RAD17: variants seen among roughly 807,000 people sequenced by gnomAD.
RAD17 encodes cell cycle checkpoint protein RAD17.
In RAD17, 31 loss-of-function variants were observed where a neutral mutation model predicts 81.5. The ratio of observed to expected loss-of-function variants is 0.38; its 90% CI spans 0.29 to 0.51. The LOEUF (loss-of-function observed/expected upper bound fraction) is 0.51, where lower values mean the gene tolerates loss of function less well. Ranked by LOEUF, RAD17 falls within the 20% of genes least tolerant of loss-of-function variation. The pLI, the probability that RAD17 is intolerant of heterozygous loss-of-function variation, is 0.88. For missense variants in RAD17, 681 were observed against 781.2 expected (o/e 0.87, Z 1.53); for synonymous variants, 261 against 266.2 (o/e 0.98, Z 0.19).
intron 15 of RAD17, among the ~76,000 whole-genome samples, chr5:69,394,404 T>TA (rs1298680314): frequency 6.6e-6 from 1 of 152,042 alleles, no homozygotes; most frequent in Non-Finnish European, 1.5e-5. Flanking sequence ...ATACTCAAAA[T>TA]ATGACAACCA....
chr5:69,385,907 T>C (rs1764182664), intron 8 of RAD17, 136 bp from the exon 9 acceptor site: 2 of 901,034 alleles, frequency 2.2e-6, no homozygotes, highest in Non-Finnish European at 3.0e-6. Flanking sequence ...TATCATCTAT[T>C]TCATGTTTCC....
Position 69,382,003 on chromosome 5 carries a change from A to G in RAD17, c.454A>G (p.Asn152Asp). 1 of 1,611,252 alleles carries G rather than the reference A, an allele frequency of 6.2e-7. No homozygotes were observed. The highest frequency in any genetic ancestry group is 2.2e-5 in the East Asian group (1 of 44,874). The part of the protein sequence containing the change: ...EHGIQVQEWI[N>D]PVLPDFQKDD... ...TGGTATTCAAGTACAAGAGTGGATT[A>G]ATCCAGTTTTACCAGACTTCCAAAA... The change falls in exon 7 of 19, where the codon AAT becomes GAT. Residue 152 changes from asparagine (N) to aspartate (D), a missense_variant. Physicochemically the swap from Asn to Asp is conservative, Grantham distance 23. Transcript: ENST00000354868.
At chr5:69,404,783 A>G (rs1388989686) in intron 17 of RAD17, among the ~76,000 whole-genome samples, 2 of 146,970 alleles carry the variant, frequency 1.4e-5, no homozygotes, top group South Asian at 2.2e-4. Flanking sequence ...AAAAAAAAAA[A>G]TAGATAAAAT....
At chr5:69,371,668 A>G (rs1055604143) in intron 3 of RAD17, 111 bp downstream of exon 3, 12 of 511,432 alleles carry the variant, frequency 2.3e-5, no homozygotes, top group South Asian at 8.9e-5. Flanking sequence ...CCGAGTATCT[A>G]TTGTAATTAA....
At chr5:69,410,471 A>G (rs753953263) in intron 17 of RAD17, 22 bp from the exon 18 acceptor site, 1 of 1,601,500 alleles carries the variant, frequency 6.2e-7, no homozygotes, top group Non-Finnish European at 8.5e-7. Flanking sequence ...ATTGTTTACA[A>G]CTTTTAAAAA....
At position 69,369,879 on chromosome 5, in the gene RAD17, G is replaced by GGTA. The variant is rs1762817608; in HGVS notation, c.-468_-466dup. The GGTA allele has an allele frequency of 1.6e-6, 1 of 621,662 alleles. No homozygotes were observed. The highest frequency in any genetic ancestry group is 3.1e-5 in the Admixed American group (1 of 32,340). 38.5% of individuals were successfully genotyped at this position (621,662 alleles called of 1,614,324 possible). A position where few individuals can be genotyped will look rare whatever the true frequency, so the allele number is the denominator to read the frequency against. ...GCCAGGTGGCTGCCCTTTCACCTAG[G>GGTA]GTAGTCCCTGGTCGCCTCCGCTCTT... On this transcript the variant is annotated 5_prime_UTR_variant, in exon 1 of 19. Coordinates refer to ENST00000354868, the MANE Select transcript of RAD17 (RefSeq NM_133338.3).
intron 6 of RAD17, among the ~76,000 whole-genome samples, chr5:69,380,132 C>T (rs1401372313): frequency 3.3e-5 from 5 of 152,182 alleles, no homozygotes; most frequent in Non-Finnish European, 5.9e-5. Context: ...CTGCCTGCTT[C>T]GGCCTCCCAA....
chr5:69,412,984 CAAA>C (rs58817125), intron 18 of RAD17, among the ~76,000 whole-genome samples: 3 of 144,996 alleles, frequency 2.1e-5, no homozygotes, highest in African/African-American at 2.6e-5. Context: ...AAGACTGTCT[CAAA>C]AAAAAAAAAA....
intron 11 of RAD17, 120 bp downstream of exon 11, chr5:69,386,585 C>A: frequency 8.7e-7 from 1 of 1,146,794 alleles, no homozygotes; most frequent in Non-Finnish European, 1.1e-6. Flanking sequence ...TTATTATACT[C>A]ATAAGGCATG....
At chr5:69,374,774 G>C in intron 6 of RAD17, 63 bp downstream of exon 6, 2 of 1,326,022 alleles carry the variant, frequency 1.5e-6, no homozygotes, top group Non-Finnish European at 2.1e-6. Flanking sequence ...ACAGTGTGTT[G>C]TTAGAAGTTA....
chr5:69,398,498 A>G (rs1235994009), intron 16 of RAD17, among the ~76,000 whole-genome samples: 1 of 152,134 alleles, frequency 6.6e-6, no homozygotes, highest in Non-Finnish European at 1.5e-5. Flanking sequence ...AAATCAGACT[A>G]ATGATTAAAA....
intron 4 of RAD17, among the ~76,000 whole-genome samples, chr5:69,373,603 G>A (rs1224766422): frequency 6.6e-6 from 1 of 151,734 alleles, no homozygotes; most frequent in Non-Finnish European, 1.5e-5. Context: ...TACTCAAGAG[G>A]CTGAGGCTGG....
At chr5:69,377,468 T>C (rs1184925612) in intron 6 of RAD17, among the ~76,000 whole-genome samples, 117 of 5,044 alleles carry the variant, frequency 0.023, 2 homozygotes, top group African/African-American at 0.029. Context: ...TATATATATA[T>C]ATATATACAC....
chr5:69,393,820 C>G (rs533145745), intron 15 of RAD17, among the ~76,000 whole-genome samples: 19 of 151,646 alleles, frequency 1.3e-4, no homozygotes, highest in African/African-American at 4.6e-4. Flanking sequence ...GTCCTCTCAC[C>G]TGAGCCTCCG....
intron 17 of RAD17, among the ~76,000 whole-genome samples, chr5:69,408,876 G>A (rs1441182626): frequency 6.6e-6 from 1 of 152,090 alleles, no homozygotes; most frequent in Non-Finnish European, 1.5e-5. Context: ...TTCTCCACAG[G>A]CTGATCCAGT....
chr5:69,388,271 CT>C (rs1764338431), intron 11 of RAD17, among the ~76,000 whole-genome samples: 1 of 152,108 alleles, frequency 6.6e-6, no homozygotes, highest in Non-Finnish European at 1.5e-5. Flanking sequence ...GTAATTATGG[CT>C]TTTTCATCCT....
chr5:69,379,547 T>C (rs1004907647), intron 6 of RAD17, among the ~76,000 whole-genome samples: 4 of 152,152 alleles, frequency 2.6e-5, no homozygotes, highest in African/African-American at 9.7e-5. Context: ...AACTTTTAGA[T>C]TCTTTGATAA....
chr5:69,411,628 G>T (rs1314355649), intron 18 of RAD17, among the ~76,000 whole-genome samples: 2 of 152,026 alleles, frequency 1.3e-5, no homozygotes, highest in African/African-American at 4.8e-5. Flanking sequence ...GCTATGTGGG[G>T]CCCATCTTTC....
At chr5:69,398,634 C>T (rs1395158200) in intron 16 of RAD17, among the ~76,000 whole-genome samples, 3 of 151,736 alleles carry the variant, frequency 2.0e-5, no homozygotes, top group Non-Finnish European at 4.4e-5. Flanking sequence ...GGTGAAACCC[C>T]ATCGCTACTA....
Sources: allele counts gnomAD v4.1 joint callset (sites outside exome capture counted in the v4.1 genomes callset), GRCh38; gene constraint gnomAD v4.1.1; transcripts MANE v1.5; gene names NCBI Gene and HGNC (gene_info 2026-07-23, HGNC 2026-07-21).